MYO16: variants seen among roughly 807,000 people sequenced by gnomAD.
MYO16 encodes myosin XVI.
In MYO16, 94 loss-of-function variants were observed where a neutral mutation model predicts 205.3. That is an observed-to-expected ratio of 0.46 (90% CI 0.39 to 0.54). MYO16 has a LOEUF of 0.54. Ranked by LOEUF, MYO16 falls within the 20% of genes least tolerant of loss-of-function variation. The probability of loss-of-function intolerance (pLI) is 0.00; values close to 1 mark genes in which losing one functional copy is unlikely to be tolerated. For missense variants in MYO16, 2,315 were observed against 2,387.5 expected, an observed-to-expected ratio of 0.97 and a Z score of 0.63; for synonymous variants, 988 against 954.0, an observed-to-expected ratio of 1.04 and a Z score of -0.66.
chr13:109,023,008 CAT>C (rs1309442580), intron 23 of MYO16, among the ~76,000 whole-genome samples: 1 of 133,060 alleles, frequency 7.5e-6, no homozygotes, highest in Non-Finnish European at 1.5e-5. Context: ...TATATATACA[CAT>C]GTAAATGTAT....
intron 5 of MYO16, among the ~76,000 whole-genome samples, chr13:108,786,169 C>T (rs1886451809): frequency 6.6e-6 from 1 of 152,174 alleles, no homozygotes; most frequent in Admixed American, 6.5e-5. Flanking sequence ...GAAGTGAGGG[C>T]TTAAGTCAAG....
chr13:108,564,457 C>G, the MYO16 span, among the ~76,000 whole-genome samples: 6 of 152,180 alleles, frequency 3.9e-5, no homozygotes, highest in Non-Finnish European at 8.8e-5. Flanking sequence ...GTGTGAGCCA[C>G]TGCACCCGGT....
intron 33 of MYO16, among the ~76,000 whole-genome samples, chr13:109,177,539 G>A (rs1404052433): frequency 1.3e-5 from 2 of 151,946 alleles, no homozygotes; most frequent in Admixed American, 6.6e-5. Flanking sequence ...TTTATGTTGA[G>A]ATGGAGTCTC....
At chr13:108,902,706 A>G (rs116088740) in intron 15 of MYO16, among the ~76,000 whole-genome samples, 105 of 152,176 alleles carry the variant, frequency 6.9e-4, no homozygotes, top group African/African-American at 2.4e-3. Flanking sequence ...CTATTGACTC[A>G]TGACCTTCTC....
At chr13:109,189,678 A>G (rs1444311573) in intron 34 of MYO16, among the ~76,000 whole-genome samples, 2 of 152,206 alleles carry the variant, frequency 1.3e-5, no homozygotes, top group East Asian at 3.8e-4. Flanking sequence ...TCATACAGGG[A>G]AAAAATAGTG....
intron 3 of MYO16, among the ~76,000 whole-genome samples, chr13:108,723,199 T>C (rs1884226284): frequency 6.6e-6 from 1 of 152,208 alleles, no homozygotes; most frequent in Admixed American, 6.5e-5. Flanking sequence ...TCTTTGAAGC[T>C]GTTTGTTTCT....
At chr13:108,695,434 A>T (rs1883055773) in intron 2 of MYO16, among the ~76,000 whole-genome samples, 1 of 152,188 alleles carries the variant, frequency 6.6e-6, no homozygotes, top group South Asian at 2.1e-4. Context: ...TAGCTTTACA[A>T]TAAGTTTTGA....
upstream of MYO16, among the ~76,000 whole-genome samples, chr13:108,595,480 T>C (rs1878522521): frequency 6.6e-6 from 1 of 152,220 alleles, no homozygotes; most frequent in African/African-American, 2.4e-5. Context: ...GTTACATCCC[T>C]AAGTGATTGA....
At chr13:108,691,014 A>C (rs1882874154) in intron 2 of MYO16, among the ~76,000 whole-genome samples, 1 of 152,166 alleles carries the variant, frequency 6.6e-6, no homozygotes, top group Non-Finnish European at 1.5e-5. Flanking sequence ...TATGATTCTT[A>C]TGGTAGATGT....
intron 4 of MYO16, among the ~76,000 whole-genome samples, chr13:108,739,298 T>G (rs961608812): frequency 6.6e-6 from 1 of 152,200 alleles, no homozygotes; most frequent in African/African-American, 2.4e-5. Context: ...CCATGTTTAG[T>G]GTTTCCTTCA....
At chr13:108,844,941 T>A (rs79011747) in intron 10 of MYO16, among the ~76,000 whole-genome samples, 26,656 of 152,082 alleles carry the variant, frequency 0.18, 3,027 homozygotes, top group Non-Finnish European at 0.25. Flanking sequence ...TGTGTTTATG[T>A]TGCGTGTGTG....
intron 28 of MYO16, among the ~76,000 whole-genome samples, chr13:109,117,629 C>T (rs1425967053): frequency 6.6e-6 from 1 of 151,412 alleles, no homozygotes; most frequent in Admixed American, 6.6e-5. Context: ...GGTGTCAAAG[C>T]CCTAAAGGAA....
intron 24 of MYO16, chr13:109,048,792 T>G (rs1887137919): frequency 6.5e-6 from 1 of 152,934 alleles, no homozygotes; most frequent in African/African-American, 2.4e-5. Context: ...AAGCTCCCAG[T>G]TGAGGAAGAT....
chr13:108,703,483 A>G (rs1038810505), intron 2 of MYO16, among the ~76,000 whole-genome samples: 1 of 152,234 alleles, frequency 6.6e-6, no homozygotes, highest in African/African-American at 2.4e-5. Flanking sequence ...TGAATATTTC[A>G]GTACCTTTCA....
rs569817958 is a variant in MYO16, at chr13:108,873,328, C to A, written c.1425+7086C>A. ...AAAAGAAATTCACATATAACATCTG[C>A]ATTTTAGTTTTATTTCATTATCATT... On this transcript the variant is annotated intron_variant, in intron 12 of 34. Transcript: ENST00000457511. Among the ~76,000 whole-genome samples, 292 of 152,302 alleles carry A rather than the reference C, an allele frequency of 1.9e-3. 2 individuals are homozygous for A. The highest frequency in any genetic ancestry group is 0.017 in the South Asian group (80 of 4,832).
intron 9 of MYO16, among the ~76,000 whole-genome samples, chr13:108,834,262 C>G (rs1200799479): frequency 1.3e-5 from 2 of 152,084 alleles, no homozygotes; most frequent in Non-Finnish European, 2.9e-5. Flanking sequence ...GGTGATTAAG[C>G]CATGGGCATT....
intron 16 of MYO16, among the ~76,000 whole-genome samples, chr13:108,955,062 A>G (rs1883297251): frequency 6.6e-6 from 1 of 152,176 alleles, no homozygotes; most frequent in South Asian, 2.1e-4. Flanking sequence ...ACCTTCACCT[A>G]GTCATCGAAA....
At chr13:108,624,572 G>A (rs746218492) in intron 1 of MYO16, among the ~76,000 whole-genome samples, 9 of 152,184 alleles carry the variant, frequency 5.9e-5, no homozygotes, top group Non-Finnish European at 1.2e-4. Flanking sequence ...CTAGATAGTT[G>A]TAACGCATAT....
chr13:109,141,230 G>A lies in MYO16; in HGVS notation c.5018G>A (p.Gly1673Asp). 1 of 1,606,062 alleles carries A rather than the reference G, an allele frequency of 6.2e-7. No individual in the cohort carries two copies. ...ACCAGGGCGGACGCCAGGAAGGCCGGCTCCAGTGCCTCGCCCCCCGCGCCC... is the reference window on the plus strand; with the variant it reads ...ACCAGGGCGGACGCCAGGAAGGCCGACTCCAGTGCCTCGCCCCCCGCGCCC... The part of the protein sequence containing the change: ...KATRADARKA[G>D]SSASPPAPYS... The change falls in exon 32 of 35, where the codon GGC (glycine) becomes GAC (aspartate). Residue 1673 changes from glycine (G) to aspartate (D), a missense_variant. Gly to Asp is a moderately conservative substitution (Grantham distance 94). Coordinates refer to ENST00000457511, the MANE Select transcript of MYO16 (RefSeq NM_001198950.3). This position sits in a 1 kb window ranked among gnomAD's most constrained non-coding sequence, Gnocchi z 4.1.
Sources: gnomAD v4.1 joint callset for allele counts (sites outside exome capture counted in the v4.1 genomes callset) on GRCh38, gnomAD v4.1.1 for gene constraint, Gnocchi (gnomAD v3.1) non-coding constraint, MANE v1.5 for transcripts, NCBI Gene and HGNC (gene_info 2026-07-23, HGNC 2026-07-21) for gene names.